The following IQSEC1 variants were observed in gnomAD, a reference collection of about 807,000 sequenced individuals.
The protein encoded by IQSEC1 is IQ motif and Sec7 domain ArfGEF 1, also known as IQ motif and SEC7 domain-containing protein 1.
A neutral mutation model predicts 91.0 loss-of-function variants in IQSEC1; 31 were observed. The ratio of observed to expected loss-of-function variants is 0.34; its 90% confidence interval spans 0.26 to 0.46. IQSEC1 has a LOEUF of 0.46. IQSEC1 is among the 20% of genes least tolerant of loss of function. The probability of loss-of-function intolerance (pLI) is 1.00; values close to 1 mark genes in which losing one functional copy is unlikely to be tolerated. For missense variants in IQSEC1, 1,388 were observed against 1,575.6 expected, an observed-to-expected ratio of 0.88 and a Z score of 2.02; for synonymous variants, 699 against 662.6, an observed-to-expected ratio of 1.05 and a Z score of -0.84.
chr3:12,914,283 G>T (rs1346847137), intron 8 of IQSEC1, among the ~76,000 whole-genome samples: 2 of 152,186 alleles, frequency 1.3e-5, no homozygotes, highest in Admixed American at 6.5e-5. Context: ...GCCTCAGGGC[G>T]AGGGATGAGC....
At chr3:13,131,065 G>GAAGGAAGGAAGGAAGGAAGGAAGGAAGGA in intron 2 of IQSEC1, among the ~76,000 whole-genome samples, 1 of 151,794 alleles carries the variant, frequency 6.6e-6, no homozygotes, top group Admixed American at 6.6e-5. Flanking sequence ...AGGAAGGAAG[G>GAAGGAAGGAAGGAAGGAAGGAAGGAAGGA]AGGGAGGGAA....
chr3:13,043,051 C>T (rs540671440), intron 1 of IQSEC1, among the ~76,000 whole-genome samples: 14 of 152,280 alleles, frequency 9.2e-5, no homozygotes, highest in South Asian at 8.3e-4. Context: ...GGTCGCCCAG[C>T]GCCTGCCGTT....
At chr3:12,950,047 T>C (rs897106372) in intron 1 of IQSEC1, among the ~76,000 whole-genome samples, 1 of 152,162 alleles carries the variant, frequency 6.6e-6, no homozygotes, top group African/African-American at 2.4e-5. Context: ...ACACGTATGC[T>C]CACCCACTAT....
chr3:13,071,868 A>C (rs963638010), intron 1 of IQSEC1, among the ~76,000 whole-genome samples: 1 of 149,384 alleles, frequency 6.7e-6, no homozygotes, highest in Non-Finnish European at 1.5e-5. Flanking sequence ...CCATCCCCCG[A>C]ACCAGAGGCC....
In IQSEC1 at chr3:13,034,558, C is replaced by T. The variant is rs74975569; in HGVS notation, c.23+38434G>A. On this transcript the variant is annotated intron_variant, in intron 1 of 13. Transcript: ENST00000613206. ...TGAGCCAGTGTGGAGCCTGTTGGCA[C>T]CTGCAACGCTTACTTTAAATGCTCT... 4.0e-4 allele frequency among the ~76,000 whole-genome samples: 61 copies of T among 152,268 alleles called. 1 individual carries two copies. In the East Asian group the frequency reaches 0.011, roughly 28 times the overall value.
chr3:12,999,252 G>T (rs987484120), intron 1 of IQSEC1, among the ~76,000 whole-genome samples: 1 of 152,076 alleles, frequency 6.6e-6, no homozygotes, highest in African/African-American at 2.4e-5. Flanking sequence ...TGCCATACCA[G>T]CTCCAGAACC....
intron 1 of IQSEC1, among the ~76,000 whole-genome samples, chr3:13,277,957 G>A (rs532093423): frequency 6.6e-6 from 1 of 152,118 alleles, no homozygotes; most frequent in South Asian, 2.1e-4. Flanking sequence ...GGACCCTCCT[G>A]AGGGTGGCTT....
At chr3:12,927,054 C>T (rs1297339378) in intron 3 of IQSEC1, among the ~76,000 whole-genome samples, 1 of 152,176 alleles carries the variant, frequency 6.6e-6, no homozygotes, top group Non-Finnish European at 1.5e-5. Context: ...TCCAATGCCC[C>T]AGGCCTCTAC....
intron 2 of IQSEC1, among the ~76,000 whole-genome samples, chr3:13,083,672 A>G (rs1219451830): frequency 1.3e-5 from 2 of 152,264 alleles, no homozygotes; most frequent in African/African-American, 4.8e-5. Context: ...TAGATGCTTC[A>G]TCTGGAGAAC....
chr3:12,909,140 G>T lies in IQSEC1; in HGVS notation c.2578+133C>A. The T allele has an allele frequency of 1.1e-6, 1 of 928,648 alleles. No homozygotes were observed. The highest frequency in any genetic ancestry group is 1.7e-6 in the Non-Finnish European group (1 of 600,718). The allele number at this position is 928,648 out of a possible 1,614,324, so 57.5% of individuals were successfully genotyped here. On this transcript the variant is annotated intron_variant, in intron 11 of 13. Coordinates refer to ENST00000613206, the MANE Select transcript of IQSEC1 (RefSeq NM_001134382.3). This position sits in a 1 kb window ranked among gnomAD's most constrained non-coding sequence, Gnocchi z 4.9. ...GGAACACAGACTGCCCCATCATGTG[G>T]CCATAGGGAAGGCCAGAAAAGACTG... is the stretch of plus-strand genomic sequence containing the variant.
chr3:12,904,117 C>T (rs892280), intron 12 of IQSEC1, among the ~76,000 whole-genome samples: 8,127 of 152,356 alleles, frequency 0.053, 319 homozygotes, highest in Non-Finnish European at 0.078. Context: ...CCCAAGGCCA[C>T]CAGCCAGTGA....
At chr3:13,043,122 T>C (rs1489043872) in intron 1 of IQSEC1, among the ~76,000 whole-genome samples, 2 of 152,106 alleles carry the variant, frequency 1.3e-5, no homozygotes, top group Non-Finnish European at 1.5e-5. Flanking sequence ...CAGCCGCTCA[T>C]TGGCTGCCGG....
chr3:13,218,227 G>A (rs907799895), intron 1 of IQSEC1, among the ~76,000 whole-genome samples: 2 of 152,194 alleles, frequency 1.3e-5, no homozygotes, highest in Non-Finnish European at 2.9e-5. Flanking sequence ...GGTGTGCGAG[G>A]CCTGGGGCAA....
At chr3:13,017,085 C>G (rs1703169764) in intron 1 of IQSEC1, among the ~76,000 whole-genome samples, 2 of 152,164 alleles carry the variant, frequency 1.3e-5, no homozygotes, top group Admixed American at 1.3e-4. Flanking sequence ...GAATAATATT[C>G]CACACTATGG....
intron 1 of IQSEC1, among the ~76,000 whole-genome samples, chr3:13,229,174 A>G (rs1197065385): frequency 6.6e-6 from 1 of 152,062 alleles, no homozygotes; most frequent in Non-Finnish European, 1.5e-5. Context: ...TTCAAATCTC[A>G]CCTTTCCCCT....
In IQSEC1 at chr3:12,924,694, G is replaced by A. The variant is rs530341591; in HGVS notation, c.1617C>T (p.Pro539=). The A allele has an allele frequency of 1.1e-4, 177 of 1,607,736 alleles. No individual in the cohort carries two copies. Among genetic ancestry groups the A allele is most frequent in the Middle Eastern group, 5.0e-4 (3 of 6,048 alleles). The change falls in exon 4 of 14, where the codon CCC becomes CCT. Residue 539 remains proline, a synonymous_variant. Coordinates refer to ENST00000613206, the MANE Select transcript of IQSEC1 (RefSeq NM_001134382.3). The surrounding 1 kb of genome is among the most constrained non-coding windows in gnomAD (Gnocchi z 6.3). ...VQYLIERGFV[P]DTPVGVAHFL... ...AGTGGGCCACCCCGACGGGCGTGTC[G>A]GGCACAAAGCCACGCTCGATGAGGT...
intron 1 of IQSEC1, among the ~76,000 whole-genome samples, chr3:13,031,176 G>A (rs991488966): frequency 6.6e-6 from 1 of 152,240 alleles, no homozygotes; most frequent in Admixed American, 6.5e-5. Flanking sequence ...AGGGACAGAA[G>A]TGAACTCACT....
At chr3:13,254,865 G>C (rs996025734) in intron 1 of IQSEC1, among the ~76,000 whole-genome samples, 1 of 152,156 alleles carries the variant, frequency 6.6e-6, no homozygotes, top group African/African-American at 2.4e-5. Context: ...GCTTTCCCAG[G>C]CCGCAGAGTT....
chr3:13,165,578 G>GTGTGTGTCTGTC (rs1377649445), intron 1 of IQSEC1, among the ~76,000 whole-genome samples: 5,299 of 104,856 alleles, frequency 0.051, 212 homozygotes, highest in Non-Finnish European at 0.069. Flanking sequence ...GTGTGTGTGT[G>GTGTGTGTCTGTC]TGTCTGTCTG....
Sources: gnomAD v4.1 joint callset for allele counts (sites outside exome capture counted in the v4.1 genomes callset) on GRCh38, gnomAD v4.1.1 for gene constraint, Gnocchi (gnomAD v3.1) non-coding constraint, MANE v1.5 for transcripts, NCBI Gene and HGNC (gene_info 2026-07-23, HGNC 2026-07-21) for gene names.